PCLO: variants seen among roughly 807,000 people sequenced by gnomAD.
PCLO encodes protein piccolo.
A neutral mutation model predicts 427.5 loss-of-function variants in PCLO; 82 were observed. The ratio of observed to expected loss-of-function variants is 0.19; its 90% confidence interval spans 0.16 to 0.23. The LOEUF (loss-of-function observed/expected upper bound fraction) is 0.23. Among genes scored for constraint, PCLO ranks in the 10% least tolerant of loss-of-function variants. PCLO has a pLI of 1.00. For missense variants in PCLO, 6,239 were observed against 6,115.9 expected, an observed-to-expected ratio of 1.02 and a Z score of -0.67; for synonymous variants, 2,357 against 2,155.4, an observed-to-expected ratio of 1.09 and a Z score of -2.59.
chr7:82,892,646 C>T (rs1168247191), intron 9 of PCLO, among the ~76,000 whole-genome samples: 2 of 152,050 alleles, frequency 1.3e-5, no homozygotes. Context: ...AGGCAACCTA[C>T]AGAATGGGAG....
intron 12 of PCLO, among the ~76,000 whole-genome samples, chr7:82,845,800 A>G (rs1211032330): frequency 6.6e-6 from 1 of 152,168 alleles, no homozygotes; most frequent in Admixed American, 6.6e-5. Flanking sequence ...ATTGGAACTT[A>G]ATTTGTATGA....
intron 21 of PCLO, among the ~76,000 whole-genome samples, chr7:82,802,815 G>C (rs17284363): frequency 0.016 from 2,390 of 152,068 alleles, 30 homozygotes; most frequent in Non-Finnish European, 0.021. Flanking sequence ...TGCTCTAAAG[G>C]TCCTCTTATT....
rs369175209 is a variant in PCLO at position 83,134,827 on chromosome 7, T to C, written c.2723A>G (p.Asn908Ser). 6.2e-7 allele frequency: 1 copy of C among 1,613,238 alleles called. No individual in the cohort carries two copies. The highest frequency in any genetic ancestry group is 1.3e-5 in the African/African-American group (1 of 74,892). Residue 908 changes from asparagine to serine, a missense_variant, in exon 3 of 25, where the codon AAT becomes AGT. By Grantham distance (46) the Asn-to-Ser change is conservative. Around this residue, in one of 5 missense-constraint regions of PCLO, gnomAD observed 4,677 missense variants for 4,468.4 expected, o/e 1.05. Transcript: ENST00000333891. ...GGGGGCATCAGTAATACTTCCCAGA[T>C]TCAGACTGAAACGCCTTGACTGCTC... ...PQEQSRRFSL[N>S]LGSITDAPKS...
intron 3 of PCLO, among the ~76,000 whole-genome samples, chr7:83,033,424 T>C (rs1176541442): frequency 6.6e-6 from 1 of 152,204 alleles, no homozygotes; most frequent in African/African-American, 2.4e-5. Context: ...TTGTATGGCA[T>C]GTCTCTACAT....
chr7:82,910,248 G>A (rs941736455), intron 7 of PCLO, among the ~76,000 whole-genome samples: 32 of 151,846 alleles, frequency 2.1e-4, no homozygotes, highest in African/African-American at 6.0e-4. Flanking sequence ...CTACATTCCT[G>A]ACTATCATCT....
At chr7:82,866,665 C>T (rs1260817107) in intron 10 of PCLO, among the ~76,000 whole-genome samples, 3 of 148,706 alleles carry the variant, frequency 2.0e-5, no homozygotes, top group African/African-American at 7.4e-5. Flanking sequence ...TACACACACA[C>T]ACACACACAC....
chr7:82,983,777 C>A (rs1171545870), intron 3 of PCLO, among the ~76,000 whole-genome samples: 1 of 151,806 alleles, frequency 6.6e-6, no homozygotes, highest in Non-Finnish European at 1.5e-5. Flanking sequence ...TCAAAAGAAT[C>A]ATTTTTTCCA....
intron 3 of PCLO, among the ~76,000 whole-genome samples, chr7:83,072,576 G>C (rs976538748): frequency 6.6e-6 from 1 of 151,980 alleles, no homozygotes; most frequent in Admixed American, 6.6e-5. Context: ...TCTTGACTTT[G>C]CCATTATCTC....
intron 10 of PCLO, among the ~76,000 whole-genome samples, chr7:82,867,308 C>T (rs1394288302): frequency 6.6e-6 from 1 of 152,152 alleles, no homozygotes; most frequent in Admixed American, 6.6e-5. Context: ...CTAAGCATGA[C>T]ATTATGTTTC....
intron 3 of PCLO, among the ~76,000 whole-genome samples, chr7:83,057,608 G>C (rs1978174): frequency 6.7e-6 from 1 of 150,006 alleles, no homozygotes; most frequent in Admixed American, 6.7e-5. Context: ...TGATCCACCC[G>C]CCTCGGCCTC....
At chr7:82,818,709 T>G (rs576904649) in intron 20 of PCLO, among the ~76,000 whole-genome samples, 19 of 152,290 alleles carry the variant, frequency 1.2e-4, no homozygotes, top group African/African-American at 4.6e-4. Flanking sequence ...TAGCTGTGTG[T>G]TCTTATATCA....
intron 9 of PCLO, among the ~76,000 whole-genome samples, chr7:82,887,151 G>A (rs766660494): frequency 2.0e-5 from 3 of 151,954 alleles, no homozygotes; most frequent in Non-Finnish European, 4.4e-5. Context: ...TTTGAGTTAC[G>A]TACTATTCAT....
At chr7:83,022,138 T>C (rs1788359476) in intron 3 of PCLO, among the ~76,000 whole-genome samples, 1 of 152,012 alleles carries the variant, frequency 6.6e-6, no homozygotes, top group Non-Finnish European at 1.5e-5. Flanking sequence ...AGTGCCCATA[T>C]GAAAGAGGCC....
intron 3 of PCLO, among the ~76,000 whole-genome samples, chr7:83,071,052 T>C (rs1206393417): frequency 6.6e-6 from 1 of 152,060 alleles, no homozygotes; most frequent in African/African-American, 2.4e-5. Flanking sequence ...TGTGATAAAA[T>C]ACATGTAACA....
At chr7:82,919,867 T>C (rs1794556839) in intron 6 of PCLO, among the ~76,000 whole-genome samples, 1 of 151,994 alleles carries the variant, frequency 6.6e-6, no homozygotes, top group South Asian at 2.1e-4. Flanking sequence ...TTATTAAATG[T>C]CTCCTCTCTT....
At chr7:82,823,222 C>A (rs1462859130) in intron 19 of PCLO, among the ~76,000 whole-genome samples, 2 of 151,966 alleles carry the variant, frequency 1.3e-5, no homozygotes, top group East Asian at 1.9e-4. Context: ...TAAGTGGAAC[C>A]CATAAATGAT....
At chr7:82,771,174 A>G (rs1484368165) in intron 22 of PCLO, among the ~76,000 whole-genome samples, 2 of 151,928 alleles carry the variant, frequency 1.3e-5, no homozygotes, top group Non-Finnish European at 2.9e-5. Context: ...CTGCTTATAC[A>G]ATGAAAATTG....
chr7:82,939,054 C>T (rs1795020134), intron 6 of PCLO, among the ~76,000 whole-genome samples: 1 of 152,050 alleles, frequency 6.6e-6, no homozygotes, highest in Non-Finnish European at 1.5e-5. Context: ...TGTTGCAATA[C>T]TGTCTGCCCG....
Position 82,954,094 on chromosome 7 carries a change from C to T in PCLO, c.6859G>A (p.Asp2287Asn). The T allele has an allele frequency of 1.9e-6, 3 of 1,613,814 alleles. No individual in the cohort carries two copies. Among genetic ancestry groups the T allele is most frequent in the Admixed American group, 3.3e-5 (2 of 59,998 alleles). The change falls in exon 5 of 25, where the codon GAC becomes AAC. Residue 2287 changes from aspartate to asparagine, a missense_variant. By Grantham distance (23) the Asp-to-Asn change is conservative. This residue lies in a region of PCLO where 4,677 missense variants were observed against 4,468.4 expected (regional missense o/e 1.05). Coordinates refer to ENST00000333891, the MANE Select transcript of PCLO (RefSeq NM_033026.6). Reference sequence around the variant, plus strand: ...ATAAGTAAGTCAGTAGAAACAGTGTCAGCAACTGGCCCTTCAGGTTTAGGT... The same window carrying T: ...ATAAGTAAGTCAGTAGAAACAGTGTTAGCAACTGGCCCTTCAGGTTTAGGT... ...VVPKPEGPVA[D>N]TVSTDLLISE...
Sources: allele counts gnomAD v4.1 joint callset (sites outside exome capture counted in the v4.1 genomes callset), GRCh38; gene constraint gnomAD v4.1.1; regional missense constraint gnomAD v4.1.1; transcripts MANE v1.5; gene names NCBI Gene and HGNC (gene_info 2026-07-23, HGNC 2026-07-21).